The following KCNJ6 variants were observed in gnomAD, a reference collection of about 807,000 sequenced individuals.
The protein encoded by KCNJ6 is G protein-activated inward rectifier potassium channel 2.
In KCNJ6, 9 loss-of-function variants were observed where a neutral mutation model predicts 34.2. The observed-to-expected ratio is 0.26, with a 90% confidence interval of 0.16 to 0.46. The LOEUF (loss-of-function observed/expected upper bound fraction) is 0.46. Ranked by LOEUF, KCNJ6 falls within the 20% of genes least tolerant of loss-of-function variation. KCNJ6 has a pLI of 1.00. For synonymous variants in KCNJ6, 196 were observed against 207.1 expected (o/e 0.95, Z 0.46); for missense variants, 236 against 531.3 (o/e 0.44, Z 5.46).
intron 3 of KCNJ6, among the ~76,000 whole-genome samples, chr21:37,702,036 C>T (rs968245328): frequency 7.9e-5 from 12 of 151,892 alleles, no homozygotes; most frequent in Non-Finnish European, 1.6e-4. Context: ...AGTTCGAGAC[C>T]AGCCTGGCCA....
intron 1 of KCNJ6, among the ~76,000 whole-genome samples, chr21:37,872,268 G>A (rs2055656214): frequency 6.6e-6 from 1 of 152,196 alleles, no homozygotes; most frequent in Admixed American, 6.5e-5. Context: ...GCACACCCCA[G>A]ACCTAGAAGT....
chr21:37,734,144 A>G lies in KCNJ6; in HGVS notation c.26-19013T>C, dbSNP rs188362493. Among the ~76,000 whole-genome samples, 61 of 152,308 alleles carry G rather than the reference A, an allele frequency of 4.0e-4. No homozygotes were observed. The South Asian group carries it at 7.5e-3, about 19-fold the overall frequency. On this transcript the variant is annotated intron_variant, in intron 2 of 3. Transcript: ENST00000609713. ...CCAGAAGACGGAGGTTGAAATCTTT[A>G]CAGTAGATGTGGGCTCCTACCTTTC...
In KCNJ6 at chr21:37,617,052, CTTTTCTTTTCTTTT is replaced by C. The variant is rs2054272536; in HGVS notation, c.*8093_*8106del. 1.3e-5 allele frequency: 1 copy of C among 74,126 alleles called. No individual in the cohort carries two copies. The highest frequency in any genetic ancestry group is 2.8e-5 in the Non-Finnish European group (1 of 35,572). The allele number at this position is 74,126 out of a possible 1,614,324, so 4.6% of individuals were successfully genotyped here. ...TCTTTCTTTCTTTCTTTCTTTCTTTCTTTTCTTTTCTTTTCTTTTCTTTTCTTTCTTTTTCTTTC... is the reference window on the plus strand; with the variant it reads ...TCTTTCTTTCTTTCTTTCTTTCTTTCCTTTTCTTTTCTTTCTTTTTCTTTC... On this transcript the variant is annotated 3_prime_UTR_variant, in exon 4 of 4. Coordinates refer to ENST00000609713, the MANE Select transcript of KCNJ6 (RefSeq NM_002240.5).
At chr21:37,909,271 C>A (rs2055855908) in intron 1 of KCNJ6, among the ~76,000 whole-genome samples, 1 of 152,182 alleles carries the variant, frequency 6.6e-6, no homozygotes, top group African/African-American at 2.4e-5. Context: ...TATACACAGG[C>A]TCATCAAGAA....
At chr21:37,861,649 G>A (rs2123602749) in intron 1 of KCNJ6, among the ~76,000 whole-genome samples, 1 of 152,242 alleles carries the variant, frequency 6.6e-6, no homozygotes, top group African/African-American at 2.4e-5. Context: ...TCTCAGTAAT[G>A]ACCCCTTGGA....
At chr21:37,684,173 G>A (rs371519912) in intron 3 of KCNJ6, among the ~76,000 whole-genome samples, 4 of 152,214 alleles carry the variant, frequency 2.6e-5, no homozygotes, top group African/African-American at 9.7e-5. Flanking sequence ...TGAGATCCAG[G>A]TGTTGGCAGG....
intron 3 of KCNJ6, among the ~76,000 whole-genome samples, chr21:37,629,628 G>A (rs529217094): frequency 6.6e-6 from 1 of 152,144 alleles, no homozygotes; most frequent in Admixed American, 6.5e-5. Context: ...AAGCCAAGGA[G>A]AGGGGTCTCA....
At chr21:37,911,233 C>T (rs1425476291) in intron 1 of KCNJ6, among the ~76,000 whole-genome samples, 1 of 152,054 alleles carries the variant, frequency 6.6e-6, no homozygotes, top group African/African-American at 2.4e-5. Flanking sequence ...ATTTAAAATG[C>T]ACTTCAAAAT....
chr21:37,747,712 G>A (rs1335119357), intron 2 of KCNJ6, among the ~76,000 whole-genome samples: 2 of 152,088 alleles, frequency 1.3e-5, no homozygotes, highest in Non-Finnish European at 2.9e-5. Context: ...GGAGGAGGGG[G>A]CCATGAGACA....
In KCNJ6 at chr21:37,617,040, C is replaced by CT. The variant is rs374542125; in HGVS notation, c.*8118dup. The CT allele has an allele frequency of 2.4e-4, 4 of 16,952 alleles. No homozygotes were observed. Among genetic ancestry groups the CT allele is most frequent in the African/African-American group, 7.2e-4 (4 of 5,594 alleles). 1.1% of individuals were successfully genotyped at this position (16,952 alleles called of 1,614,324 possible). On this transcript the variant is annotated 3_prime_UTR_variant, in exon 4 of 4. Coordinates refer to ENST00000609713, the MANE Select transcript of KCNJ6 (RefSeq NM_002240.5). ...TCTTTCTTTCTTTCTTTCTTTCTTT[C>CT]TTTCTTTCTTTCTTTTCTTTTCTTT...
In KCNJ6 at chr21:37,758,340, G is replaced by A. The variant is rs185025652; in HGVS notation, c.26-43209C>T. Among the ~76,000 whole-genome samples, 126 of 152,240 alleles carry A rather than the reference G, an allele frequency of 8.3e-4. No individual in the cohort carries two copies. In the South Asian group the frequency reaches 0.012, roughly 15 times the overall value. On this transcript the variant is annotated intron_variant, in intron 2 of 3. Transcript: ENST00000609713. ...TGGGAGTGTGTGTAGAATAATAGCA[G>A]TTATTTTGGGAGAAGTTACCCTGCG...
chr21:37,829,859 T>C (rs755603695), intron 2 of KCNJ6, among the ~76,000 whole-genome samples: 1 of 152,184 alleles, frequency 6.6e-6, no homozygotes. Context: ...AGAGCCGGGC[T>C]TTCCATTACC....
At chr21:37,664,863 C>T (rs2054506693) in intron 3 of KCNJ6, among the ~76,000 whole-genome samples, 2 of 136,378 alleles carry the variant, frequency 1.5e-5, no homozygotes, top group South Asian at 4.8e-4. Flanking sequence ...GTGGCGCAAT[C>T]TTGGCTCACT....
At chr21:37,757,977 A>T (rs2055039677) in intron 2 of KCNJ6, among the ~76,000 whole-genome samples, 1 of 152,104 alleles carries the variant, frequency 6.6e-6, no homozygotes, top group Non-Finnish European at 1.5e-5. Context: ...GCATTCACCC[A>T]CCTCCTGCGA....
chr21:37,674,583 C>T (rs951397635), intron 3 of KCNJ6, among the ~76,000 whole-genome samples: 1 of 151,206 alleles, frequency 6.6e-6, no homozygotes, highest in Non-Finnish European at 1.5e-5. Flanking sequence ...CCTTTGCATG[C>T]AGGTCCTCTC....
chr21:37,687,888 G>A (rs1010481304), intron 3 of KCNJ6, among the ~76,000 whole-genome samples: 7 of 152,146 alleles, frequency 4.6e-5, no homozygotes, highest in Non-Finnish European at 1.0e-4. Flanking sequence ...GAGTCTAGAT[G>A]GATAAAGTTG....
chr21:37,854,107 T>C (rs933248508), intron 1 of KCNJ6, among the ~76,000 whole-genome samples: 5 of 151,444 alleles, frequency 3.3e-5, no homozygotes, highest in African/African-American at 1.2e-4. Context: ...ATATTAAACA[T>C]AAATGGTCCA....
intron 2 of KCNJ6, among the ~76,000 whole-genome samples, chr21:37,811,860 A>G (rs2409939): frequency 0.2 from 31,143 of 152,090 alleles, 5,208 homozygotes; most frequent in African/African-American, 0.44. Flanking sequence ...GAATATGGAG[A>G]GGTGGTTATG....
chr21:37,802,891 G>A (rs1020315730), intron 2 of KCNJ6, among the ~76,000 whole-genome samples: 9 of 152,198 alleles, frequency 5.9e-5, no homozygotes, highest in South Asian at 4.1e-4. Context: ...TCAACACTGC[G>A]GTGATAGCAC....
Sources: gnomAD v4.1 joint callset for allele counts (sites outside exome capture counted in the v4.1 genomes callset) on GRCh38, gnomAD v4.1.1 for gene constraint, MANE v1.5 for transcripts, NCBI Gene and HGNC (gene_info 2026-07-23, HGNC 2026-07-21) for gene names.